Variants in KCNH1 observed in about 807,000 individuals in gnomAD.
KCNH1 encodes the protein potassium voltage-gated channel subfamily H member 1, also known as voltage-gated delayed rectifier potassium channel KCNH1.
A neutral mutation model predicts 69.2 loss-of-function variants in KCNH1; 27 were observed. The observed-to-expected ratio is 0.39, with a 90% CI of 0.29 to 0.54. The LOEUF (loss-of-function observed/expected upper bound fraction) is 0.54. Among genes scored for constraint, KCNH1 ranks in the 20% least tolerant of loss-of-function variants. The pLI is 0.68. For missense variants in KCNH1, 798 were observed against 1,261.6 expected, an observed-to-expected ratio of 0.63 and a Z score of 5.57; for synonymous variants, 456 against 487.7, an observed-to-expected ratio of 0.93 and a Z score of 0.86.
At chr1:210,880,583 A>G (rs1385340732) in intron 7 of KCNH1, among the ~76,000 whole-genome samples, 16 of 152,182 alleles carry the variant, frequency 1.1e-4, no homozygotes, top group Admixed American at 1.0e-3. Context: ...ACAAAAATTA[A>G]CTCAAAATAG....
At chr1:210,844,442 T>A (rs1685494227) in intron 7 of KCNH1, among the ~76,000 whole-genome samples, 1 of 152,252 alleles carries the variant, frequency 6.6e-6, no homozygotes, top group Non-Finnish European at 1.5e-5. Flanking sequence ...ACCGCTCAAC[T>A]ACATGGAAAC....
intron 5 of KCNH1, among the ~76,000 whole-genome samples, chr1:211,051,832 T>A (rs1184104416): frequency 6.6e-6 from 1 of 152,170 alleles, no homozygotes; most frequent in Non-Finnish European, 1.5e-5. Context: ...TTCATAAGAA[T>A]GAGGAAAGAT....
chr1:210,785,642 G>T (rs1684085418), intron 9 of KCNH1, among the ~76,000 whole-genome samples: 1 of 152,054 alleles, frequency 6.6e-6, no homozygotes, highest in Non-Finnish European at 1.5e-5. Flanking sequence ...GCCTCAGCTT[G>T]CATTCCTACT....
At chr1:210,753,714 A>G (rs1683331171) in intron 10 of KCNH1, among the ~76,000 whole-genome samples, 2 of 152,160 alleles carry the variant, frequency 1.3e-5, no homozygotes, top group African/African-American at 4.8e-5. Context: ...AGTGCATTAC[A>G]TGTACTTTCT....
intron 10 of KCNH1, among the ~76,000 whole-genome samples, chr1:210,723,631 AAAATG>A (rs1682524993): frequency 6.6e-6 from 1 of 152,258 alleles, no homozygotes; most frequent in Non-Finnish European, 1.5e-5. Context: ...AACAAAGTGA[AAAATG>A]AAATCAAGAT....
chr1:210,997,207 C>A (rs1195412443), intron 6 of KCNH1, among the ~76,000 whole-genome samples: 4 of 152,174 alleles, frequency 2.6e-5, no homozygotes, highest in Non-Finnish European at 4.4e-5. Flanking sequence ...GACGATCAAA[C>A]TACTCCGAGC....
chr1:210,765,917 G>T (rs1379973115), intron 10 of KCNH1, among the ~76,000 whole-genome samples: 1 of 151,792 alleles, frequency 6.6e-6, no homozygotes, highest in Non-Finnish European at 1.5e-5. Context: ...CAAAAAATTA[G>T]CCGGGCGTGG....
chr1:210,976,786 T>C (rs971899899), intron 6 of KCNH1, among the ~76,000 whole-genome samples: 1 of 149,968 alleles, frequency 6.7e-6, no homozygotes, highest in Non-Finnish European at 1.5e-5. Context: ...GAATGGGGAT[T>C]ATTAAAAAGT....
At chr1:211,085,812 T>C (rs1209737482) in intron 4 of KCNH1, among the ~76,000 whole-genome samples, 2 of 152,318 alleles carry the variant, frequency 1.3e-5, no homozygotes, top group East Asian at 1.9e-4. Context: ...GAATCACTTC[T>C]GGAGAAAGTG....
At chr1:211,093,628 C>T (rs1691093851) in intron 3 of KCNH1, among the ~76,000 whole-genome samples, 2 of 152,218 alleles carry the variant, frequency 1.3e-5, no homozygotes, top group South Asian at 2.1e-4. Context: ...CATTCCTTTG[C>T]AGTATCTAAA....
intron 7 of KCNH1, among the ~76,000 whole-genome samples, chr1:210,843,241 G>C (rs1447584672): frequency 2.0e-5 from 3 of 152,208 alleles, no homozygotes; most frequent in Non-Finnish European, 2.9e-5. Flanking sequence ...AAATATGGGA[G>C]TGGCGCTTCT....
At chr1:211,041,764 T>A (rs759602679) in intron 5 of KCNH1, among the ~76,000 whole-genome samples, 77 of 152,098 alleles carry the variant, frequency 5.1e-4, no homozygotes, top group Non-Finnish European at 8.2e-4. Context: ...TTTTTGTTGT[T>A]GTTTTTTTGA....
At chr1:210,897,344 T>C (rs773525024) in intron 7 of KCNH1, among the ~76,000 whole-genome samples, 2 of 152,088 alleles carry the variant, frequency 1.3e-5, no homozygotes, top group African/African-American at 4.8e-5. Flanking sequence ...GATAATGGAG[T>C]GTCTGGCTTA....
chr1:211,016,922 A>AAAT (rs139001420), intron 6 of KCNH1, among the ~76,000 whole-genome samples: 5 of 146,490 alleles, frequency 3.4e-5, no homozygotes, highest in Admixed American at 6.9e-5. Context: ...AAAAAAAAAA[A>AAAT]TTTTAAAATT....
rs545317597 is a variant in KCNH1, at chr1:211,059,696, T to C, written c.558+23084A>G. 2.9e-3 allele frequency among the ~76,000 whole-genome samples: 434 copies of C among 151,740 alleles called. 3 individuals carry two copies. The highest frequency in any genetic ancestry group is 0.01 in the African/African-American group (414 of 41,386). On this transcript the variant is annotated intron_variant, in intron 5 of 10. Transcript: ENST00000271751. ...AGGTGGAGCTTGCAGTGAGCCGAGA[T>C]TGCGCCACTGCACTCCAGCCTGGGC...
chr1:210,712,048 G>T (rs1013588496), intron 10 of KCNH1, among the ~76,000 whole-genome samples: 2 of 152,162 alleles, frequency 1.3e-5, no homozygotes, highest in African/African-American at 4.8e-5. Context: ...GCCCATTCCT[G>T]ACAGCGAGCC....
At position 210,804,021 on chromosome 1, in the gene KCNH1, T is replaced by C; in HGVS notation, c.1608A>G (p.Val536=). The C allele has an allele frequency of 1.2e-6, 2 of 1,614,220 alleles. No homozygotes were observed. The highest frequency in any genetic ancestry group is 1.3e-5 in the African/African-American group (1 of 75,058). The change falls in exon 8 of 11, where the codon GTA becomes GTG. Residue 536 remains valine, a synonymous_variant. Coordinates refer to ENST00000271751, the MANE Select transcript of KCNH1 (RefSeq NM_172362.3). ...YQVPKGLSER[V]MDYIVSTWSM... ...ACCAAGTGGACACAATATAATCCATTACTCGCTCACTCAATCCTTTTGGCA... is the reference window on the plus strand; with the variant it reads ...ACCAAGTGGACACAATATAATCCATCACTCGCTCACTCAATCCTTTTGGCA...
At chr1:210,714,646 G>A (rs918303985) in intron 10 of KCNH1, among the ~76,000 whole-genome samples, 2 of 152,146 alleles carry the variant, frequency 1.3e-5, no homozygotes, top group African/African-American at 4.8e-5. Context: ...AACCCATGGC[G>A]CTTGTGTGCC....
At chr1:210,888,221 G>C (rs1401404127) in intron 7 of KCNH1, among the ~76,000 whole-genome samples, 3 of 152,162 alleles carry the variant, frequency 2.0e-5, no homozygotes, top group Admixed American at 6.5e-5. Flanking sequence ...TCAGACCACA[G>C]TGCAATCAAA....
Sources: gnomAD v4.1 joint callset for allele counts (sites outside exome capture counted in the v4.1 genomes callset) on GRCh38, gnomAD v4.1.1 for gene constraint, MANE v1.5 for transcripts, NCBI Gene and HGNC (gene_info 2026-07-23, HGNC 2026-07-21) for gene names.